Variants in RHOF observed in about 807,000 individuals in gnomAD.
RHOF encodes the protein rho-related GTP-binding protein RhoF.
Under a neutral mutation model 22.2 loss-of-function variants are expected in RHOF, and 21 were observed. The observed-to-expected ratio is 0.95, with a 90% CI of 0.67 to 1.36. RHOF has a LOEUF of 1.36. Ranked by LOEUF, RHOF falls within the 40% of genes most tolerant of loss-of-function variation. The pLI is 0.00. For missense variants in RHOF, 285 were observed against 293.7 expected, an observed-to-expected ratio of 0.97 and a Z score of 0.22; for synonymous variants, 135 against 131.2, an observed-to-expected ratio of 1.03 and a Z score of -0.20.
chr12:121,789,475 C>T (rs995934169), intron 2 of RHOF, among the ~76,000 whole-genome samples: 1 of 152,132 alleles, frequency 6.6e-6, no homozygotes, highest in East Asian at 1.9e-4. Context: ...AGGCCCAGAG[C>T]AGAGTTGAGG....
chr12:121,785,268 G>A (rs1022515253), intron 2 of RHOF, among the ~76,000 whole-genome samples: 1 of 152,146 alleles, frequency 6.6e-6, no homozygotes, highest in Non-Finnish European at 1.5e-5. Flanking sequence ...GCTGCTCAGA[G>A]CAGTGCATGA....
chr12:121,786,763 G>A (rs569837024), intron 2 of RHOF, among the ~76,000 whole-genome samples: 1 of 151,878 alleles, frequency 6.6e-6, no homozygotes, highest in Non-Finnish European at 1.5e-5. Flanking sequence ...GGGGCCGGGC[G>A]GGGTGATTCA....
intron 2 of RHOF, among the ~76,000 whole-genome samples, chr12:121,786,282 C>G (rs1874608523): frequency 6.6e-6 from 1 of 151,486 alleles, no homozygotes; most frequent in Non-Finnish European, 1.5e-5. Context: ...TCTCAAACTC[C>G]TGACCTGAGA....
At chr12:121,788,121 C>A (rs1218105193) in intron 2 of RHOF, among the ~76,000 whole-genome samples, 1 of 152,132 alleles carries the variant, frequency 6.6e-6, no homozygotes, top group South Asian at 2.1e-4. Context: ...AAAAGCCCTA[C>A]AAGGTAGACA....
At chr12:121,781,048 A>G in intron 3 of RHOF, 35 bp downstream of exon 3, 1 of 1,613,814 alleles carries the variant, frequency 6.2e-7, no homozygotes, top group Non-Finnish European at 8.5e-7. Context: ...GGCCGGGCCC[A>G]GATGTGGGGC....
chr12:121,793,686 G>C lies in RHOF; in HGVS notation c.-53C>G. 6.9e-7 allele frequency: 1 copy of C among 1,441,824 alleles called. No homozygotes were observed. The highest frequency in any genetic ancestry group is 1.4e-5 in the South Asian group (1 of 71,222). 89.3% of individuals were successfully genotyped at this position (1,441,824 alleles called of 1,614,324 possible). On this transcript the variant is annotated 5_prime_UTR_variant, in exon 1 of 5. Coordinates refer to ENST00000267205, the MANE Select transcript of RHOF (RefSeq NM_019034.3). ...GCGCGCCGGGCACTAGCGGAGCCAA[G>C]AGGTCGGGGGCGGGGCGGGGCCGGA...
Position 121,780,912 on chromosome 12 carries a change from T to C in RHOF, c.431A>G (p.Lys144Arg). 1.9e-6 allele frequency: 3 copies of C among 1,613,892 alleles called. No individual in the cohort carries two copies. Among genetic ancestry groups the C allele is most frequent in the Non-Finnish European group, 2.5e-6 (3 of 1,179,930 alleles). The change falls in exon 4 of 5, where the codon AAG becomes AGG. Residue 144 changes from lysine to arginine, a missense_variant. Lys to Arg is a conservative substitution (Grantham distance 26). Coordinates refer to ENST00000267205, the MANE Select transcript of RHOF (RefSeq NM_019034.3). ...GGGCTCCAGCTGGGCGGCCCGGAGCTTCCGCAGCTGCTCCTTGTCCTTCCT... is the reference window on the plus strand; with the variant it reads ...GGGCTCCAGCTGGGCGGCCCGGAGCCTCCGCAGCTGCTCCTTGTCCTTCCT... ...DLRKDKEQLR[K>R]LRAAQLEPIT...
In RHOF at chr12:121,780,975, C is replaced by G. The variant is rs750371812; in HGVS notation, c.368G>C (p.Gly123Ala). 1.2e-6 allele frequency: 2 copies of G among 1,613,956 alleles called. No homozygotes were observed. The highest frequency in any genetic ancestry group is 2.2e-5 in the South Asian group (2 of 91,058). Reference sequence around the variant, plus strand: ...GCAGCCGATGAGCACCATGGGGATCCCGCGGCAGAAATGCGTGACCTCAGG... The same window carrying G: ...GCAGCCGATGAGCACCATGGGGATCGCGCGGCAGAAATGCGTGACCTCAGG... ...WFPEVTHFCR[G>A]IPMVLIGCKT... is the part of the protein sequence containing the mutation. Residue 123 changes from glycine to alanine, a missense_variant, in exon 4 of 5, where the codon GGG becomes GCG. Coordinates refer to ENST00000267205, the MANE Select transcript of RHOF (RefSeq NM_019034.3).
At chr12:121,792,034 C>T (rs937269710) in intron 2 of RHOF, among the ~76,000 whole-genome samples, 1 of 152,242 alleles carries the variant, frequency 6.6e-6, no homozygotes, top group Non-Finnish European at 1.5e-5. Context: ...GTTGGCCCTA[C>T]AGGGCCCACA....
At chr12:121,788,243 T>C (rs1001717895) in intron 2 of RHOF, among the ~76,000 whole-genome samples, 1 of 152,056 alleles carries the variant, frequency 6.6e-6, no homozygotes, top group African/African-American at 2.4e-5. Flanking sequence ...AGGACCTTAC[T>C]GGAGTATTTT....
In RHOF at chr12:121,780,856, C is replaced by G. The variant is rs1174940394; in HGVS notation, c.471+16G>C. On this transcript the variant is annotated intron_variant, in intron 4 of 4. Coordinates refer to ENST00000267205, the MANE Select transcript of RHOF (RefSeq NM_019034.3). ...CACAGCCACGGCTGTGCCCCAGGGT[C>G]TTGGCCCCGGCCCACCTGCATGTAG... 6 of 1,609,884 alleles carry G rather than the reference C, an allele frequency of 3.7e-6. No homozygotes were observed. The highest frequency in any genetic ancestry group is 3.3e-5 in the South Asian group (3 of 90,488).
At position 121,777,829 on chromosome 12, in the gene RHOF, C is replaced by G; in HGVS notation, c.*1669G>C. Reference sequence around the variant, plus strand: ...TGGCCCACAGGCTGTAGTTGTTGGACCTCTACCGTAGACCATCATGAGGCC... The same window carrying G: ...TGGCCCACAGGCTGTAGTTGTTGGAGCTCTACCGTAGACCATCATGAGGCC... On this transcript the variant is annotated 3_prime_UTR_variant, in exon 5 of 5. Coordinates refer to ENST00000267205, the MANE Select transcript of RHOF (RefSeq NM_019034.3). The G allele has an allele frequency of 6.6e-6, 1 of 152,212 alleles. No homozygotes were observed. Among genetic ancestry groups the G allele is most frequent in the Non-Finnish European group, 1.5e-5 (1 of 68,058 alleles). 9.4% of individuals were successfully genotyped at this position (152,212 alleles called of 1,614,324 possible). A position where few individuals can be genotyped will look rare whatever the true frequency, so the allele number is the denominator to read the frequency against.
At position 121,779,036 on chromosome 12, in the gene RHOF, TG is replaced by T. The variant is rs551438703; in HGVS notation, c.*461del. ...GCCCCCTCGGTGGCCTCCGTGTTCCTGGGGGAAGGAAGGAAGGAGCTGGAGG... is the reference window on the plus strand; with the variant it reads ...GCCCCCTCGGTGGCCTCCGTGTTCCTGGGGAAGGAAGGAAGGAGCTGGAGG... On this transcript the variant is annotated 3_prime_UTR_variant, in exon 5 of 5. Coordinates refer to ENST00000267205, the MANE Select transcript of RHOF (RefSeq NM_019034.3). 3.0e-3 allele frequency: 479 copies of T among 161,942 alleles called. 3 individuals are homozygous for T. Among genetic ancestry groups the T allele is most frequent in the African/African-American group, 0.011 (462 of 41,740 alleles). 10.0% of individuals were successfully genotyped at this position (161,942 alleles called of 1,614,324 possible).
chr12:121,788,810 G>A (rs1032579740), intron 2 of RHOF, among the ~76,000 whole-genome samples: 3 of 152,126 alleles, frequency 2.0e-5, no homozygotes, highest in South Asian at 2.1e-4. Context: ...GGTGGAGTGG[G>A]GGGCAGTGCC....
rs746411084 is a variant in RHOF at position 121,781,018 on chromosome 12, G to A, written c.337-12C>T. ...ACCTCAGGGAACCACTGTGGAGGGAGGAGGCGGGATCAGGGGTGCGGCCGG... is the reference window on the plus strand; with the variant it reads ...ACCTCAGGGAACCACTGTGGAGGGAAGAGGCGGGATCAGGGGTGCGGCCGG... On this transcript the variant is annotated splice_polypyrimidine_tract_variant and intron_variant, in intron 3 of 4. Transcript: ENST00000267205. 5 of 1,613,346 alleles carry A rather than the reference G, an allele frequency of 3.1e-6. No individual in the cohort carries two copies. The highest frequency in any genetic ancestry group is 1.6e-4 in the Middle Eastern group (1 of 6,082).
intron 2 of RHOF, among the ~76,000 whole-genome samples, chr12:121,790,959 C>T (rs543936679): frequency 6.6e-6 from 1 of 151,702 alleles, no homozygotes; most frequent in South Asian, 2.1e-4. Context: ...CTGCAATTTC[C>T]GCCTCCTGGG....
rs199794385 is a variant in RHOF, at chr12:121,779,638, G to T, written c.496C>A (p.Arg166=). 1 of 1,614,064 alleles carries T rather than the reference G, an allele frequency of 6.2e-7. No homozygotes were observed. The highest frequency in any genetic ancestry group is 8.5e-7 in the Non-Finnish European group (1 of 1,179,938). ...GAACATTCCAGGTAGAGAGCAGCTC[G>T]GATCTGTTCGCAGGCGCTCAGGCCC... ...MQGLSACEQI[R]AALYLECSAK... The change falls in exon 5 of 5, where the codon CGA becomes AGA. Residue 166 remains arginine (R), a synonymous_variant. Coordinates refer to ENST00000267205, the MANE Select transcript of RHOF (RefSeq NM_019034.3).
intron 2 of RHOF, chr12:121,782,954 CAAAAAA>C (rs1364067746): frequency 6.6e-6 from 1 of 151,300 alleles, no homozygotes; most frequent in African/African-American, 2.4e-5. Context: ...AACTCTGTCT[CAAAAAA>C]AATAAAAATA....
At chr12:121,780,599 C>T in intron 4 of RHOF, 1 of 540,004 alleles carries the variant, frequency 1.9e-6, no homozygotes, top group Non-Finnish European at 3.2e-6. Context: ...CTGTGTGGCC[C>T]TGGGCAAGCT....
Sources: allele counts gnomAD v4.1 joint callset (sites outside exome capture counted in the v4.1 genomes callset), GRCh38; gene constraint gnomAD v4.1.1; transcripts MANE v1.5; gene names NCBI Gene and HGNC (gene_info 2026-07-23, HGNC 2026-07-21).